Variants in GAGE1 observed in about 807,000 individuals in gnomAD.
The protein encoded by GAGE1 is G antigen 4.
GAGE1 carries 5 observed loss-of-function variants against 5.0 expected under a neutral mutation model. That is an observed-to-expected ratio of 1.00 (90% CI 0.52 to 2.11). The LOEUF (loss-of-function observed/expected upper bound fraction) is 2.11. Ranked by LOEUF, GAGE1 falls within the 30% of genes most tolerant of loss-of-function variation. The probability of loss-of-function intolerance (pLI) is 0.01; values close to 1 mark genes in which losing one functional copy is unlikely to be tolerated. For synonymous variants in GAGE1, 6 were observed against 14.8 expected (o/e 0.40, Z 1.37); for missense variants, 9 against 38.9 (o/e 0.23, Z 2.04).
intron 4 of GAGE1, chrX:49,605,069 T>A: frequency 9.8e-7 from 1 of 1,022,982 alleles, no homozygotes; most frequent in South Asian, 1.8e-5. Flanking sequence ...CTTAAATCTT[T>A]CCCCACGGAA....
At chrX:49,603,993 C>T (rs1483393035) in intron 4 of GAGE1, among the ~76,000 whole-genome samples, 200 bp downstream of exon 4, 6 of 112,939 alleles carry the variant, frequency 5.3e-5, no homozygotes, top group African/African-American at 1.6e-4. Context: ...GCCGGGGTTA[C>T]AGGCGTGCTC....
In GAGE1 at chrX:49,606,269, T is replaced by G. The variant is rs1209321642; in HGVS notation, c.*254T>G. The G allele has an allele frequency of 5.0e-6, 1 of 200,529 alleles. No individual in the cohort carries two copies. The highest frequency in any genetic ancestry group is 3.0e-5 in the African/African-American group (1 of 33,856). The allele number at this position is 200,529 out of a possible 1,213,427, so 16.5% of individuals were successfully genotyped here. ...CAACCTTGTTAAATATGCTTATGAA[T>G]TTTAAAAGTTTACTTCTAGGTTTTT... On this transcript the variant is annotated 3_prime_UTR_variant, in exon 5 of 5. Coordinates refer to ENST00000381700, the MANE Select transcript of GAGE1 (RefSeq NM_001040663.4).
intron 4 of GAGE1, 23 bp from the exon 5 acceptor site, chrX:49,605,970 C>T (rs2066656688): frequency 3.0e-6 from 3 of 1,016,776 alleles, no homozygotes; most frequent in Admixed American, 6.6e-5. Flanking sequence ...TGTAATGTTC[C>T]CAACTGTTTT....
intron 4 of GAGE1, among the ~76,000 whole-genome samples, chrX:49,604,160 A>G (rs5905762): frequency 0.019 from 2,154 of 112,765 alleles, 35 homozygotes; most frequent in Admixed American, 0.074. Context: ...ACCCAGCATT[A>G]TATTTTTAGT....
rs1736402030 is a variant in GAGE1, at chrX:49,606,129, A to T, written c.*114A>T. Reference sequence around the variant, plus strand: ...AAAGAAGTCTTGTGAATCTTTTGTCAATTTTATTTCTAGCTATTTGATGCT... The same window carrying T: ...AAAGAAGTCTTGTGAATCTTTTGTCTATTTTATTTCTAGCTATTTGATGCT... On this transcript the variant is annotated 3_prime_UTR_variant, in exon 5 of 5. Transcript: ENST00000381700. 1 of 431,599 alleles carries T rather than the reference A, an allele frequency of 2.3e-6. No individual in the cohort carries two copies. Among genetic ancestry groups the T allele is most frequent in the Admixed American group, 4.4e-5 (1 of 22,881 alleles). 35.6% of individuals were successfully genotyped at this position (431,599 alleles called of 1,213,427 possible).
In GAGE1 at chrX:49,605,245, A is replaced by C. The variant is rs782769425; in HGVS notation, c.332-748A>C. ...GAGCCACTATTTCTAATAAGACTGT[A>C]GACACACATATGATATAATCATCTC... On this transcript the variant is annotated intron_variant, in intron 4 of 4. Coordinates refer to ENST00000381700, the MANE Select transcript of GAGE1 (RefSeq NM_001040663.4). The C allele has an allele frequency of 6.0e-6, 4 of 661,874 alleles. No homozygotes were observed. In the South Asian group the frequency reaches 1.2e-4, roughly 20 times the overall value. The allele number at this position is 661,874 out of a possible 1,213,427, so 54.5% of individuals were successfully genotyped here. A position where few individuals can be genotyped will look rare whatever the true frequency, so the allele number is the denominator to read the frequency against.
chrX:49,604,090 T>C (rs1479649262), intron 4 of GAGE1, among the ~76,000 whole-genome samples: 6 of 112,821 alleles, frequency 5.3e-5, no homozygotes, highest in Non-Finnish European at 1.1e-4. Context: ...TGACCTCAGG[T>C]GATCCACCTG....
At chrX:49,605,081 C>G (rs782305886) in intron 4 of GAGE1, 1 of 1,020,316 alleles carries the variant, frequency 9.8e-7, no homozygotes, top group Non-Finnish European at 1.3e-6. Context: ...CCCACGGAAA[C>G]CTTGAGTGAC....
chrX:49,604,494 C>T (rs1258038056), intron 4 of GAGE1, among the ~76,000 whole-genome samples: 3 of 112,213 alleles, frequency 2.7e-5, no homozygotes, highest in African/African-American at 6.5e-5. Flanking sequence ...TGAGTCCTTT[C>T]ACTTCTAAAC....
Position 49,605,995 on chromosome X carries a change from G to T in GAGE1, c.334G>T (p.Glu112Ter). ...CCAACTGTTTTGTTTTGTTTCAGGT[G>T]AAGGGCAATCACAGTGTTAAAAGAA... ...PEEVKTPEEG[E>*]GQSQC Residue 112 changes from glutamate (E) to a stop codon, truncating the protein, a stop_gained and splice_region_variant, in exon 5 of 5, where the codon GAA becomes TAA. Coordinates refer to ENST00000381700, the MANE Select transcript of GAGE1 (RefSeq NM_001040663.4). LOFTEE classifies it high-confidence loss of function. 1 of 1,075,055 alleles carries T rather than the reference G, an allele frequency of 9.3e-7. No homozygotes were observed. The highest frequency in any genetic ancestry group is 1.2e-6 in the Non-Finnish European group (1 of 822,474). The allele number at this position is 1,075,055 out of a possible 1,213,427, so 88.6% of individuals were successfully genotyped here.
In GAGE1 at chrX:49,601,851, A is replaced by G. The variant is rs879991196; in HGVS notation, c.205+1007A>G. ...AAGATTTTCCATAGTCCTCAAATCC[A>G]TCCAGCTAATCAATCCTTCAGAAAC... On this transcript the variant is annotated intron_variant, in intron 3 of 4. Transcript: ENST00000381700. 2.9e-4 allele frequency among the ~76,000 whole-genome samples: 22 copies of G among 75,260 alleles called. No individual in the cohort carries two copies. The East Asian group carries it at 4.7e-3, about 16-fold the overall frequency. 65.4% of individuals were successfully genotyped at this position (75,260 alleles called of 115,157 possible).
Position 49,605,004 on chromosome X carries a change from G to T in GAGE1, c.332-989G>T, listed in dbSNP as rs376326082. 12 of 978,974 alleles carry T rather than the reference G, an allele frequency of 1.2e-5. No homozygotes were observed. In the Admixed American group the frequency reaches 2.0e-4, roughly 16 times the overall value. 80.7% of individuals were successfully genotyped at this position (978,974 alleles called of 1,213,427 possible). A position where few individuals can be genotyped will look rare whatever the true frequency, so the allele number is the denominator to read the frequency against. On this transcript the variant is annotated intron_variant, in intron 4 of 4. Transcript: ENST00000381700. The stretch of plus-strand genomic sequence containing the variant: ...TTTTTTTTCATTTTTGTAGAGATGA[G>T]GTCTCACTATGTTGCCCAGACTGGG...
intron 4 of GAGE1, among the ~76,000 whole-genome samples, 194 bp downstream of exon 4, chrX:49,603,987 G>T (rs5905760): frequency 9.0e-6 from 1 of 110,789 alleles, no homozygotes; most frequent in African/African-American, 3.2e-5. Context: ...GGCGGAGCCG[G>T]GGTTACAGGC....
In GAGE1 at chrX:49,606,215, T is replaced by TTTATA; in HGVS notation, c.*200_*201insTTATA. ...TCTCCTTGAGCTGTGTGTAGAGGCA[T>TTTATA]AATTCTCATGTATTGATTTTCTATC... On this transcript the variant is annotated 3_prime_UTR_variant, in exon 5 of 5. Transcript: ENST00000381700. 1 of 249,003 alleles carries TTTATA rather than the reference T, an allele frequency of 4.0e-6. No homozygotes were observed. Among genetic ancestry groups the TTTATA allele is most frequent in the Non-Finnish European group, 7.5e-6 (1 of 132,944 alleles). The allele number at this position is 249,003 out of a possible 1,213,427, so 20.5% of individuals were successfully genotyped here. A position where few individuals can be genotyped will look rare whatever the true frequency, so the allele number is the denominator to read the frequency against.
Position 49,608,346 on chromosome X carries a change from G to A in GAGE1, c.*2331G>A, listed in dbSNP as rs1169996392. On this transcript the variant is annotated 3_prime_UTR_variant, in exon 5 of 5. Transcript: ENST00000381700. ...CCAAGCTGGAGCCTTGAACATAAAGGTGTTTAAGTTGTTGCTCAAAATATG... is the reference window on the plus strand; with the variant it reads ...CCAAGCTGGAGCCTTGAACATAAAGATGTTTAAGTTGTTGCTCAAAATATG... 8.9e-6 allele frequency: 1 copy of A among 111,816 alleles called. No homozygotes were observed. The highest frequency in any genetic ancestry group is 3.3e-5 in the African/African-American group (1 of 30,761). 9.2% of individuals were successfully genotyped at this position (111,816 alleles called of 1,213,427 possible).
rs782131906 is a variant in GAGE1, at chrX:49,608,222, C to G, written c.*2207C>G. 1 of 111,731 alleles carries G rather than the reference C, an allele frequency of 9.0e-6. No homozygotes were observed. The highest frequency in any genetic ancestry group is 2.8e-4 in the East Asian group (1 of 3,563). 9.2% of individuals were successfully genotyped at this position (111,731 alleles called of 1,213,427 possible). On this transcript the variant is annotated 3_prime_UTR_variant, in exon 5 of 5. Transcript: ENST00000381700. ...ATGGTGTCTCTAGGGCCTCCTACCC[C>G]GCATTTCCCCTGCTTTTTCTCTTGT...
At chrX:49,605,966 G>T (rs782769820) in intron 4 of GAGE1, 27 bp from the exon 5 acceptor site, 3 of 990,392 alleles carry the variant, frequency 3.0e-6, no homozygotes, top group Middle Eastern at 6.6e-4. Context: ...GCTCTGTAAT[G>T]TTCCCAACTG....
At chrX:49,604,488 T>G (rs1425725364) in intron 4 of GAGE1, among the ~76,000 whole-genome samples, 3 of 112,169 alleles carry the variant, frequency 2.7e-5, no homozygotes, top group African/African-American at 9.7e-5. Context: ...TCTGAGTGAG[T>G]CCTTTCACTT....
chrX:49,605,004 G>A (rs376326082), intron 4 of GAGE1: 5 of 980,867 alleles, frequency 5.1e-6, no homozygotes, highest in African/African-American at 1.9e-5. Context: ...GTAGAGATGA[G>A]GTCTCACTAT....
Sources: allele counts gnomAD v4.1 joint callset (sites outside exome capture counted in the v4.1 genomes callset), GRCh38; gene constraint gnomAD v4.1.1; transcripts MANE v1.5; gene names NCBI Gene and HGNC (gene_info 2026-07-23, HGNC 2026-07-21).